MAP3K4: variants seen among roughly 807,000 people sequenced by gnomAD.
MAP3K4 encodes mitogen-activated protein kinase kinase kinase 4.
Under a neutral mutation model 185.6 loss-of-function variants are expected in MAP3K4, and 67 were observed. That is an observed-to-expected ratio of 0.36 (90% CI 0.30 to 0.44). The LOEUF is 0.44. Among genes scored for constraint, MAP3K4 ranks in the 20% least tolerant of loss-of-function variants. The pLI is 1.00. For synonymous variants in MAP3K4, 702 were observed against 710.4 expected (o/e 0.99, Z 0.19); for missense variants, 1,551 against 1,995.1 (o/e 0.78, Z 4.24).
At chr6:161,113,524 A>C (rs1417294272) in intron 25 of MAP3K4, among the ~76,000 whole-genome samples, 2 of 152,176 alleles carry the variant, frequency 1.3e-5, no homozygotes, top group Non-Finnish European at 2.9e-5. Context: ...TATGGACTTC[A>C]GTTAACAGTA....
Position 161,106,897 on chromosome 6 carries a change from A to T in MAP3K4, c.4048+192A>T, listed in dbSNP as rs1778098293. Among the ~76,000 whole-genome samples the T allele has an allele frequency of 6.6e-6, 1 of 152,198 alleles. No individual in the cohort carries two copies. On this transcript the variant is annotated intron_variant, in intron 20 of 26. Transcript: ENST00000392142. This position sits in a 1 kb window ranked among gnomAD's most constrained non-coding sequence, Gnocchi z 4.9. ...ATTTGTAAAATGTATTCTAAGAGCAATACAAAATGAGATTTTAGAATGAGA... is the reference window on the plus strand; with the variant it reads ...ATTTGTAAAATGTATTCTAAGAGCATTACAAAATGAGATTTTAGAATGAGA...
intron 1 of MAP3K4, among the ~76,000 whole-genome samples, chr6:161,002,907 G>T (rs569260709): frequency 1.0e-3 from 158 of 152,104 alleles, no homozygotes; most frequent in Middle Eastern, 6.8e-3. Context: ...TTTCTTTTCT[G>T]TGTATTTTTT....
At chr6:161,060,898 G>T (rs1377357780) in intron 3 of MAP3K4, among the ~76,000 whole-genome samples, 2 of 152,126 alleles carry the variant, frequency 1.3e-5, no homozygotes, top group Admixed American at 1.3e-4. Context: ...GAGATTACAG[G>T]CACGAGCCAC....
chr6:161,034,486 G>A lies in MAP3K4; in HGVS notation c.343+37G>A. ...ACTTGAAAAGAGGTGTACATGAGAGGGTATGGCACTTGATTGATTCTTTCA... is the reference window on the plus strand; with the variant it reads ...ACTTGAAAAGAGGTGTACATGAGAGAGTATGGCACTTGATTGATTCTTTCA... On this transcript the variant is annotated intron_variant, in intron 2 of 26. Coordinates refer to ENST00000392142, the MANE Select transcript of MAP3K4 (RefSeq NM_005922.4). This position sits in a 1 kb window ranked among gnomAD's most constrained non-coding sequence, Gnocchi z 4.4. 1.3e-6 allele frequency: 2 copies of A among 1,493,520 alleles called. No individual in the cohort carries two copies. The highest frequency in any genetic ancestry group is 1.8e-6 in the Non-Finnish European group (2 of 1,092,688). The allele number at this position is 1,493,520 out of a possible 1,614,324, so 92.5% of individuals were successfully genotyped here.
Position 161,098,318 on chromosome 6 carries a change from CCTGCTGCTGCTGCTG to C in MAP3K4, c.3584_3598del (p.Ala1195_Ala1199del), listed in dbSNP as rs5881391. 1.3e-5 allele frequency: 20 copies of C among 1,516,892 alleles called. No individual in the cohort carries two copies. Among genetic ancestry groups the C allele is most frequent in the East Asian group, 7.1e-5 (3 of 42,194 alleles). The allele number at this position is 1,516,892 out of a possible 1,614,324, so 94.0% of individuals were successfully genotyped here. A position where few individuals can be genotyped will look rare whatever the true frequency, so the allele number is the denominator to read the frequency against. ...TTCCGACGCGCGGAGCCATGGCAGC[CCTGCTGCTGCTGCTG>C]CTGCTGCTGCTGCTGCTGTTGCTGC... On this transcript the variant is annotated inframe_deletion, in exon 17 of 27. Coordinates refer to ENST00000392142, the MANE Select transcript of MAP3K4 (RefSeq NM_005922.4). The surrounding 1 kb of genome is among the most constrained non-coding windows in gnomAD (Gnocchi z 4.4).
chr6:161,034,139 A>C lies in MAP3K4; in HGVS notation c.153-120A>C. The stretch of plus-strand genomic sequence containing the variant: ...CACAGGTAAAAATGAGGAGGAGCAC[A>C]GTGCTGAAGAGATTTTTCTGTACAA... On this transcript the variant is annotated intron_variant, in intron 1 of 26. Transcript: ENST00000392142. This position sits in a 1 kb window ranked among gnomAD's most constrained non-coding sequence, Gnocchi z 4.4. The C allele has an allele frequency of 1.4e-6, 1 of 696,652 alleles. No homozygotes were observed. The highest frequency in any genetic ancestry group is 2.3e-6 in the Non-Finnish European group (1 of 439,312). The allele number at this position is 696,652 out of a possible 1,614,324, so 43.2% of individuals were successfully genotyped here.
At position 161,109,069 on chromosome 6, in the gene MAP3K4, C is replaced by T. The variant is rs1234529314; in HGVS notation, c.4236+210C>T. The T allele has an allele frequency of 1.4e-6, 2 of 1,423,530 alleles. No individual in the cohort carries two copies. The highest frequency in any genetic ancestry group is 2.5e-5 in the East Asian group (1 of 39,580). 88.2% of individuals were successfully genotyped at this position (1,423,530 alleles called of 1,614,324 possible). The stretch of plus-strand genomic sequence containing the variant: ...AAGTTGTAGACTGTAGTCATTAACC[C>T]GACATCATAAAGCACTGAAACCCAT... On this transcript the variant is annotated intron_variant, in intron 22 of 26. Coordinates refer to ENST00000392142, the MANE Select transcript of MAP3K4 (RefSeq NM_005922.4). The surrounding 1 kb of genome is among the most constrained non-coding windows in gnomAD (Gnocchi z 5.7).
intron 2 of MAP3K4, among the ~76,000 whole-genome samples, chr6:161,045,752 G>T (rs1213907187): frequency 1.3e-5 from 2 of 152,148 alleles, no homozygotes. Flanking sequence ...CAGATAGTCT[G>T]TGGCCATTAT....
In MAP3K4 at chr6:161,093,506, G is replaced by A. The variant is rs890815101; in HGVS notation, c.3349-267G>A. ...ATTTTATTCTCCCAGTAGTAGAGACGATTACATGAAAAGTTCTTTGCTTGT... is the reference window on the plus strand; with the variant it reads ...ATTTTATTCTCCCAGTAGTAGAGACAATTACATGAAAAGTTCTTTGCTTGT... On this transcript the variant is annotated intron_variant, in intron 14 of 26. Transcript: ENST00000392142. This position sits in a 1 kb window ranked among gnomAD's most constrained non-coding sequence, Gnocchi z 5.2. 1.3e-5 allele frequency among the ~76,000 whole-genome samples: 2 copies of A among 152,108 alleles called. No homozygotes were observed. The highest frequency in any genetic ancestry group is 2.9e-5 in the Non-Finnish European group (2 of 68,020).
intron 3 of MAP3K4, among the ~76,000 whole-genome samples, chr6:161,060,106 C>T (rs1784420159): frequency 6.6e-6 from 1 of 152,060 alleles, no homozygotes; most frequent in South Asian, 2.1e-4. Context: ...ATGAACATTG[C>T]CTAGATTCCT....
At chr6:161,055,491 A>G (rs1249932432) in intron 3 of MAP3K4, among the ~76,000 whole-genome samples, 1 of 152,216 alleles carries the variant, frequency 6.6e-6, no homozygotes, top group Non-Finnish European at 1.5e-5. Flanking sequence ...CTTAATATTG[A>G]CTTCTCACTT....
chr6:161,092,978 G>T lies in MAP3K4; in HGVS notation c.3270G>T (p.Arg1090Ser). The change falls in exon 14 of 27, where the codon AGG (arginine) becomes AGT (serine). Residue 1090 changes from arginine (R) to serine (S), a missense_variant and splice_region_variant. By Grantham distance (110) the Arg-to-Ser change is moderately radical (BLOSUM62 -1). Around this residue, in one of 16 missense-constraint regions of MAP3K4, gnomAD observed 1 missense variants for 24.8 expected, o/e 0.04. Transcript: ENST00000392142. ...KCESGRGTRP[R>S]WATQGFDFLQ... is the part of the protein sequence containing the mutation. ...ATTACTGAACTTTTTCGTGTACCAG[G>T]TGGGCGACTCAAGGATTTGATTTTC... is the stretch of plus-strand genomic sequence containing the variant. 1 of 1,611,106 alleles carries T rather than the reference G, an allele frequency of 6.2e-7. No individual in the cohort carries two copies. The highest frequency in any genetic ancestry group is 8.5e-7 in the Non-Finnish European group (1 of 1,177,552).
chr6:160,993,735 T>TAAAAA (rs11291500), intron 1 of MAP3K4, among the ~76,000 whole-genome samples: 1 of 148,186 alleles, frequency 6.7e-6, no homozygotes, highest in East Asian at 2.0e-4. Context: ...GCTTCAGTGG[T>TAAAAA]AAAAAAAAAA....
chr6:161,104,323 A>G (rs113732974), intron 19 of MAP3K4, among the ~76,000 whole-genome samples: 31 of 151,954 alleles, frequency 2.0e-4, no homozygotes, highest in African/African-American at 7.2e-4. Context: ...CTGAGGCAGA[A>G]GAATTGCTTG....
rs770457977 is a variant in MAP3K4 at position 161,049,983 on chromosome 6, G to A, written c.1707+4G>A. The A allele has an allele frequency of 6.3e-7, 1 of 1,593,312 alleles. No individual in the cohort carries two copies. On this transcript the variant is annotated splice_donor_region_variant and intron_variant, in intron 3 of 26. Coordinates refer to ENST00000392142, the MANE Select transcript of MAP3K4 (RefSeq NM_005922.4). This position sits in a 1 kb window ranked among gnomAD's most constrained non-coding sequence, Gnocchi z 8.4. ...AAAGAACGATCGTCCAGTGGAGGTA[G>A]GTTTCCAGTAGGTATTAATACAATG...
At chr6:161,006,698 A>T (rs1781597869) in intron 1 of MAP3K4, among the ~76,000 whole-genome samples, 1 of 152,208 alleles carries the variant, frequency 6.6e-6, no homozygotes, top group African/African-American at 2.4e-5. Flanking sequence ...TAAAGGTAGG[A>T]ACATATACAG....
intron 1 of MAP3K4, among the ~76,000 whole-genome samples, chr6:161,024,034 A>G (rs916686501): frequency 6.6e-6 from 1 of 152,150 alleles, no homozygotes; most frequent in Non-Finnish European, 1.5e-5. Context: ...TGGTGTGATC[A>G]TGGCTCACTG....
chr6:161,047,118 A>ATATATATATATATC (rs1491474472), intron 2 of MAP3K4, among the ~76,000 whole-genome samples: 1 of 2,122 alleles, frequency 4.7e-4, no homozygotes, highest in African/African-American at 3.2e-3. Flanking sequence ...TCACTTATGC[A>ATATATATATATATC]TATATATATA....
At position 161,064,295 on chromosome 6, in the gene MAP3K4, A is replaced by G. The variant is rs1000607122; in HGVS notation, c.1708-6313A>G. On this transcript the variant is annotated intron_variant, in intron 3 of 26. Transcript: ENST00000392142. The surrounding 1 kb of genome is among the most constrained non-coding windows in gnomAD (Gnocchi z 4.3). ...TTAATACATACTTTGATTTCCCATA[A>G]TAACCAGTAAGAATTTCTAAAACAG... Among the ~76,000 whole-genome samples, 7 of 152,224 alleles carry G rather than the reference A, an allele frequency of 4.6e-5. No homozygotes were observed. Among genetic ancestry groups the G allele is most frequent in the Non-Finnish European group, 8.8e-5 (6 of 68,046 alleles).
Sources: allele counts gnomAD v4.1 joint callset (sites outside exome capture counted in the v4.1 genomes callset), GRCh38; gene constraint gnomAD v4.1.1; regional missense constraint gnomAD v4.1.1; non-coding constraint Gnocchi (gnomAD v3.1); transcripts MANE v1.5; gene names NCBI Gene and HGNC (gene_info 2026-07-23, HGNC 2026-07-21).